FBN1: variants seen among roughly 807,000 people sequenced by gnomAD.
FBN1 encodes fibrillin 1.
Under a neutral mutation model 365.1 loss-of-function variants are expected in FBN1, and 29 were observed. The observed-to-expected ratio is 0.08, with a 90% confidence interval of 0.06 to 0.11. The LOEUF (loss-of-function observed/expected upper bound fraction) is 0.11. Ranked by LOEUF, FBN1 falls within the 10% of genes least tolerant of loss-of-function variation. FBN1 has a pLI of 1.00. For synonymous variants in FBN1, 1,210 were observed against 1,270.5 expected, an observed-to-expected ratio of 0.95 and a Z score of 1.01; for missense variants, 2,476 against 3,703.2, an observed-to-expected ratio of 0.67 and a Z score of 8.60.
intron 18 of FBN1, among the ~76,000 whole-genome samples, chr15:48,498,677 GC>G (rs2043629101): frequency 6.6e-6 from 1 of 152,110 alleles, no homozygotes; most frequent in African/African-American, 2.4e-5. Context: ...GAGTCAGGCT[GC>G]CCCTTCTCAA....
intron 29 of FBN1, among the ~76,000 whole-genome samples, chr15:48,486,707 G>C (rs1302240781): frequency 6.6e-6 from 1 of 152,126 alleles, no homozygotes; most frequent in Non-Finnish European, 1.5e-5. Flanking sequence ...TTTATTTCAG[G>C]TGGTTAGTTA....
At chr15:48,586,397 C>T (rs2044435485) in intron 6 of FBN1, among the ~76,000 whole-genome samples, 1 of 152,088 alleles carries the variant, frequency 6.6e-6, no homozygotes, top group African/African-American at 2.4e-5. Context: ...GAGAATGAGA[C>T]TTAAACTTGA....
chr15:48,531,697 AAG>A (rs1280960913), intron 8 of FBN1, among the ~76,000 whole-genome samples: 1 of 152,206 alleles, frequency 6.6e-6, no homozygotes, highest in Non-Finnish European at 1.5e-5. Context: ...GTAACCGGAA[AAG>A]AGCAAGGACG....
chr15:48,587,458 G>C (rs2044446389), intron 6 of FBN1, among the ~76,000 whole-genome samples: 1 of 152,176 alleles, frequency 6.6e-6, no homozygotes, highest in Non-Finnish European at 1.5e-5. Flanking sequence ...GCTTGCAATA[G>C]GCCCTCCCTT....
At chr15:48,546,225 G>T (rs1385716043) in intron 6 of FBN1, among the ~76,000 whole-genome samples, 1 of 152,116 alleles carries the variant, frequency 6.6e-6, no homozygotes, top group East Asian at 1.9e-4. Flanking sequence ...GCAATCTTGT[G>T]GAGGAGGTAG....
intron 8 of FBN1, among the ~76,000 whole-genome samples, chr15:48,527,602 T>C (rs1292630666): frequency 2.0e-5 from 3 of 152,232 alleles, no homozygotes; most frequent in Non-Finnish European, 4.4e-5. Context: ...TCTTCATTTA[T>C]AAGACAAAAT....
intron 47 of FBN1, 63 bp downstream of exon 47, chr15:48,446,643 C>A: frequency 1.1e-6 from 1 of 937,236 alleles, no homozygotes; most frequent in Non-Finnish European, 1.8e-6. Context: ...AGAGATGATG[C>A]TAATTACAAA....
At chr15:48,489,179 T>A (rs2043534123) in intron 25 of FBN1, among the ~76,000 whole-genome samples, 1 of 145,040 alleles carries the variant, frequency 6.9e-6, no homozygotes, top group South Asian at 2.2e-4. Flanking sequence ...GGATTACAGG[T>A]GTGCACCACC....
intron 15 of FBN1, among the ~76,000 whole-genome samples, chr15:48,506,902 T>C (rs1412406975): frequency 6.6e-6 from 1 of 151,908 alleles, no homozygotes; most frequent in African/African-American, 2.4e-5. Context: ...ACATTGATAA[T>C]AATACAGAGC....
chr15:48,569,745 A>G (rs1405411130), intron 6 of FBN1, among the ~76,000 whole-genome samples: 1 of 152,330 alleles, frequency 6.6e-6, no homozygotes, highest in South Asian at 2.1e-4. Flanking sequence ...CAGAAAAGGC[A>G]TATCTATAGA....
At position 48,598,054 on chromosome 15, in the gene FBN1, T is replaced by C. The variant is rs138979963; in HGVS notation, c.443-1676A>G. On this transcript the variant is annotated intron_variant, in intron 5 of 65. Transcript: ENST00000316623. ...CAGCCATAGCCTTAGTTAGGACTTG[T>C]CTTCCTGCTCCTGTTTTGTCCTCCT... 1.8e-3 allele frequency among the ~76,000 whole-genome samples: 269 copies of C among 152,318 alleles called. 1 individual carries two copies. The highest frequency in any genetic ancestry group is 6.0e-3 in the African/African-American group (249 of 41,572).
At chr15:48,443,289 C>T (rs763152437) in intron 49 of FBN1, among the ~76,000 whole-genome samples, 30 of 152,128 alleles carry the variant, frequency 2.0e-4, no homozygotes, top group Non-Finnish European at 3.1e-4. Context: ...TGTGAAAATG[C>T]TCAAATGTTT....
chr15:48,520,742 T>G lies in FBN1; in HGVS notation c.1064A>C (p.Lys355Thr). 1 of 1,614,182 alleles carries G rather than the reference T, an allele frequency of 6.2e-7. No individual in the cohort carries two copies. The highest frequency in any genetic ancestry group is 8.5e-7 in the Non-Finnish European group (1 of 1,180,038). ...GCCGGCATCACAGCAGCACTGCATT[T>G]TGGTTATGGACTGTGGCAGCTGGTT... is the stretch of plus-strand genomic sequence containing the variant. ...CSNQLPQSIT[K>T]MQCCCDAGRC... is the part of the protein sequence containing the mutation. The change falls in exon 10 of 66, where the codon AAA becomes ACA. Residue 355 changes from lysine (K) to threonine (T), a missense_variant. Coordinates refer to ENST00000316623, the MANE Select transcript of FBN1 (RefSeq NM_000138.5).
intron 6 of FBN1, among the ~76,000 whole-genome samples, chr15:48,594,592 T>C (rs920930372): frequency 3.3e-5 from 5 of 152,206 alleles, no homozygotes; most frequent in Admixed American, 6.5e-5. Context: ...TTTCTTAATC[T>C]TGGACAAAGA....
At chr15:48,472,122 G>A (rs1319695915) in intron 35 of FBN1, among the ~76,000 whole-genome samples, 2 of 152,196 alleles carry the variant, frequency 1.3e-5, no homozygotes, top group African/African-American at 4.8e-5. Flanking sequence ...CAAATACAGT[G>A]GAGATTAAAA....
At chr15:48,428,898 T>A (rs2043003781) in intron 56 of FBN1, among the ~76,000 whole-genome samples, 2 of 152,158 alleles carry the variant, frequency 1.3e-5, no homozygotes, top group Non-Finnish European at 2.9e-5. Context: ...CCCCCTTCAT[T>A]TCCTATTTCC....
intron 6 of FBN1, among the ~76,000 whole-genome samples, chr15:48,548,498 C>T (rs982630320): frequency 1.3e-5 from 2 of 152,168 alleles, no homozygotes; most frequent in Non-Finnish European, 2.9e-5. Context: ...GCCTTAGAAA[C>T]TTCCATTCTA....
chr15:48,629,462 A>G (rs1285467578), intron 2 of FBN1, among the ~76,000 whole-genome samples: 1 of 152,244 alleles, frequency 6.6e-6, no homozygotes, highest in East Asian at 1.9e-4. Flanking sequence ...AAAAACAAAT[A>G]AAATTTATGA....
At chr15:48,519,490 C>T (rs1440645608) in intron 10 of FBN1, among the ~76,000 whole-genome samples, 2 of 152,202 alleles carry the variant, frequency 1.3e-5, no homozygotes, top group Non-Finnish European at 2.9e-5. Flanking sequence ...GATGTGAACA[C>T]ACATATGGCA....
Sources: allele counts gnomAD v4.1 joint callset (sites outside exome capture counted in the v4.1 genomes callset), GRCh38; gene constraint gnomAD v4.1.1; transcripts MANE v1.5; gene names NCBI Gene and HGNC (gene_info 2026-07-23, HGNC 2026-07-21).